The following AKAP13 variants were observed in gnomAD, a reference collection of about 807,000 sequenced individuals.
AKAP13 encodes the protein A-kinase anchoring protein 13.
AKAP13 carries 80 observed loss-of-function variants against 264.5 expected under a neutral mutation model. That is an observed-to-expected ratio of 0.30 (90% confidence interval 0.25 to 0.36). The LOEUF (loss-of-function observed/expected upper bound fraction) is 0.36. AKAP13 is among the 10% of genes least tolerant of loss of function. AKAP13 has a pLI of 1.00. For missense variants in AKAP13, 3,712 were observed against 3,435.2 expected (o/e 1.08, Z -2.01); for synonymous variants, 1,380 against 1,250.2 (o/e 1.10, Z -2.19).
intron 20 of AKAP13, 148 bp from the exon 21 acceptor site, chr15:85,717,142 C>T (rs1276044897): frequency 2.0e-5 from 11 of 553,272 alleles, no homozygotes; most frequent in Non-Finnish European, 3.5e-5. Context: ...GTGCATGTTG[C>T]TGTGGCCCCG....
At chr15:85,542,553 A>G (rs148910156) in intron 4 of AKAP13, among the ~76,000 whole-genome samples, 63 of 152,324 alleles carry the variant, frequency 4.1e-4, no homozygotes, top group Admixed American at 2.2e-3. Flanking sequence ...CTTAGTGAAG[A>G]AGTTTAGACC....
chr15:85,386,041 T>TA (rs1388014876), intron 1 of AKAP13, among the ~76,000 whole-genome samples: 2 of 152,148 alleles, frequency 1.3e-5, no homozygotes, highest in Non-Finnish European at 2.9e-5. Flanking sequence ...GCCAGGCTGA[T>TA]CTTGAACTCC....
At chr15:85,460,354 C>T (rs764891454) in intron 1 of AKAP13, among the ~76,000 whole-genome samples, 1 of 152,228 alleles carries the variant, frequency 6.6e-6, no homozygotes, top group South Asian at 2.1e-4. Flanking sequence ...ACAGCTCGCC[C>T]TGCATTTTAC....
chr15:85,743,843 G>C lies in AKAP13; in HGVS notation c.8392+18G>C. On this transcript the variant is annotated intron_variant, in intron 36 of 36. Transcript: ENST00000394518. ...GCCCGGTGGTGAGTCACGCACACCTGCTCTCCCTGTGGCCATAGTGTCTGT... is the reference window on the plus strand; with the variant it reads ...GCCCGGTGGTGAGTCACGCACACCTCCTCTCCCTGTGGCCATAGTGTCTGT... 1 of 1,594,000 alleles carries C rather than the reference G, an allele frequency of 6.3e-7. No individual in the cohort carries two copies. The highest frequency in any genetic ancestry group is 8.5e-7 in the Non-Finnish European group (1 of 1,171,394).
intron 34 of AKAP13, 47 bp downstream of exon 34, chr15:85,740,319 A>G (rs1160546826): frequency 1.2e-6 from 2 of 1,606,918 alleles, no homozygotes; most frequent in Admixed American, 1.7e-5. Flanking sequence ...TCTAGAGAAC[A>G]GCAGCTTGGG....
chr15:85,466,996 A>C (rs1596271997), intron 1 of AKAP13, among the ~76,000 whole-genome samples: 1 of 151,328 alleles, frequency 6.6e-6, no homozygotes, highest in Middle Eastern at 3.4e-3. Flanking sequence ...ATTATATCCT[A>C]GGTTTGTTAA....
At chr15:85,604,281 T>G (rs1220631431) in intron 8 of AKAP13, among the ~76,000 whole-genome samples, 1 of 152,204 alleles carries the variant, frequency 6.6e-6, no homozygotes, top group East Asian at 1.9e-4. Flanking sequence ...AAAGCTGATT[T>G]AATCACTGTG....
At chr15:85,510,704 A>G (rs1173879000) in intron 2 of AKAP13, among the ~76,000 whole-genome samples, 2 of 152,374 alleles carry the variant, frequency 1.3e-5, no homozygotes, top group East Asian at 1.9e-4. Flanking sequence ...AAAGGCTTTC[A>G]TAGTTACCAA....
intron 7 of AKAP13, chr15:85,583,126 A>T: frequency 1.0e-6 from 1 of 985,498 alleles, no homozygotes; most frequent in Non-Finnish European, 1.2e-6. Context: ...AGCTGTAGAC[A>T]GAAGACCTAT....
chr15:85,539,477 T>G (rs998674139), intron 4 of AKAP13, among the ~76,000 whole-genome samples: 4 of 152,208 alleles, frequency 2.6e-5, no homozygotes, highest in South Asian at 2.1e-4. Flanking sequence ...TAGGTATAGA[T>G]TCAAAGAGTA....
intron 1 of AKAP13, among the ~76,000 whole-genome samples, chr15:85,381,521 C>CTTT (rs1168869870): frequency 0.25 from 16,379 of 64,314 alleles, 2,877 homozygotes; most frequent in Non-Finnish European, 0.34. Context: ...CGGTTTACTG[C>CTTT]TTTTTTTTTT....
intron 10 of AKAP13, among the ~76,000 whole-genome samples, chr15:85,649,526 A>T (rs1329091228): frequency 6.6e-6 from 1 of 152,230 alleles, no homozygotes; most frequent in Non-Finnish European, 1.5e-5. Flanking sequence ...AGACATTGCA[A>T]CATCTTTTTC....
chr15:85,638,350 GTTTGT>G (rs1425496745), intron 8 of AKAP13, among the ~76,000 whole-genome samples: 1 of 151,926 alleles, frequency 6.6e-6, no homozygotes, highest in African/African-American at 2.4e-5. Flanking sequence ...TTTATTTGAG[GTTTGT>G]TTTATGTGAT....
chr15:85,566,351 A>G (rs8034125), intron 5 of AKAP13, among the ~76,000 whole-genome samples: 46,626 of 152,120 alleles, frequency 0.31, 7,516 homozygotes, highest in African/African-American at 0.39. Context: ...ATATAAGGGT[A>G]AAACTCCTCA....
intron 14 of AKAP13, among the ~76,000 whole-genome samples, chr15:85,680,896 C>T (rs1013278754): frequency 7.2e-5 from 11 of 152,186 alleles, no homozygotes; most frequent in African/African-American, 2.7e-4. Flanking sequence ...CGGCTCACTG[C>T]AACCTCGACC....
intron 1 of AKAP13, among the ~76,000 whole-genome samples, chr15:85,484,508 T>C (rs1474090077): frequency 6.6e-6 from 1 of 152,240 alleles, no homozygotes; most frequent in African/African-American, 2.4e-5. Context: ...AGCCACTTGC[T>C]TGTCAGTTTT....
intron 3 of AKAP13, among the ~76,000 whole-genome samples, chr15:85,527,917 T>C (rs1269899007): frequency 2.0e-5 from 3 of 152,216 alleles, no homozygotes; most frequent in African/African-American, 7.2e-5. Flanking sequence ...ATATTTTCCA[T>C]CATTTTTTCT....
intron 18 of AKAP13, among the ~76,000 whole-genome samples, chr15:85,709,860 A>G (rs767427387): frequency 2.0e-5 from 3 of 151,582 alleles, no homozygotes; most frequent in Admixed American, 2.0e-4. Flanking sequence ...GCTAATTTTT[A>G]TATTTTTAGT....
At chr15:85,702,925 G>C (rs186327202) in intron 17 of AKAP13, among the ~76,000 whole-genome samples, 2 of 152,300 alleles carry the variant, frequency 1.3e-5, no homozygotes, top group Non-Finnish European at 2.9e-5. Context: ...TTCAGAATAA[G>C]GAATTTGTTA....
Sources: allele counts gnomAD v4.1 joint callset (sites outside exome capture counted in the v4.1 genomes callset), GRCh38; gene constraint gnomAD v4.1.1; transcripts MANE v1.5; gene names NCBI Gene and HGNC (gene_info 2026-07-23, HGNC 2026-07-21).